The following SORCS1 variants were observed in gnomAD, a reference collection of about 807,000 sequenced individuals.
The protein encoded by SORCS1 is sortilin related VPS10 domain containing receptor 1.
Under a neutral mutation model 146.1 loss-of-function variants are expected in SORCS1, and 60 were observed. The observed-to-expected ratio is 0.41, with a 90% CI of 0.33 to 0.51. The LOEUF (loss-of-function observed/expected upper bound fraction) is 0.51, where lower values mean the gene tolerates loss of function less well. Among genes scored for constraint, SORCS1 ranks in the 20% least tolerant of loss-of-function variants. The probability of loss-of-function intolerance (pLI) is 0.21; values close to 1 mark genes in which losing one functional copy is unlikely to be tolerated. For synonymous variants in SORCS1, 637 were observed against 584.0 expected (o/e 1.09, Z -1.31); for missense variants, 1,352 against 1,487.6 (o/e 0.91, Z 1.50).
chr10:106,651,133 G>T (rs185245592), intron 18 of SORCS1, among the ~76,000 whole-genome samples: 8 of 152,044 alleles, frequency 5.3e-5, no homozygotes, highest in Non-Finnish European at 1.5e-5. Flanking sequence ...AGGAGTATGG[G>T]GTTACACAGT....
At chr10:106,595,091 C>A (rs1004321207) in intron 24 of SORCS1, among the ~76,000 whole-genome samples, 5 of 152,320 alleles carry the variant, frequency 3.3e-5, no homozygotes, top group Non-Finnish European at 7.3e-5. Context: ...TCACCAAACA[C>A]CAAAGCTCAA....
In SORCS1 at chr10:106,675,155, A is replaced by G; in HGVS notation, c.1834T>C (p.Leu612=). 1 of 1,607,706 alleles carries G rather than the reference A, an allele frequency of 6.2e-7. No individual in the cohort carries two copies. Among genetic ancestry groups the G allele is most frequent in the South Asian group, 1.1e-5 (1 of 90,342 alleles). ...CAAGATCTCCCTTCATCAAAACTCA[A>G]CCTAATGATATAAAAAATATCAGTC... ...HTSLPIRHLW[L]SFDEGRSWSK... is the part of the protein sequence containing the mutation. The change falls in exon 14 of 26, where the codon TTG becomes CTG. Residue 612 remains leucine, a splice_region_variant and synonymous_variant. Coordinates refer to ENST00000263054, the MANE Select transcript of SORCS1 (RefSeq NM_052918.5).
intron 4 of SORCS1, among the ~76,000 whole-genome samples, chr10:106,769,302 A>G (rs1859812927): frequency 6.6e-6 from 1 of 151,794 alleles, no homozygotes; most frequent in Non-Finnish European, 1.5e-5. Context: ...TGGCCAACAC[A>G]GTGAAGCCCC....
chr10:106,641,855 T>G (rs947951376), intron 18 of SORCS1, among the ~76,000 whole-genome samples: 2 of 152,134 alleles, frequency 1.3e-5, no homozygotes, highest in African/African-American at 2.4e-5. Context: ...TATAAGGTGT[T>G]AGGCACTTTC....
At chr10:107,084,080 T>C (rs1462934636) in intron 1 of SORCS1, among the ~76,000 whole-genome samples, 1 of 147,346 alleles carries the variant, frequency 6.8e-6, no homozygotes, top group African/African-American at 2.5e-5. Context: ...TGGGTTATTT[T>C]TGTTGTTTTT....
intron 24 of SORCS1, among the ~76,000 whole-genome samples, chr10:106,593,691 G>C (rs1162146236): frequency 6.6e-6 from 1 of 152,176 alleles, no homozygotes; most frequent in African/African-American, 2.4e-5. Flanking sequence ...AAACTAACAG[G>C]AAAGATTTCT....
At chr10:106,923,014 G>A (rs570105303) in intron 2 of SORCS1, among the ~76,000 whole-genome samples, 28 of 151,578 alleles carry the variant, frequency 1.8e-4, no homozygotes, top group African/African-American at 6.1e-4. Flanking sequence ...TCAGCCCCCC[G>A]AGTAGCTGGG....
At chr10:107,167,090 ATTTTAAT>A (rs945379536), upstream of SORCS1, among the ~76,000 whole-genome samples, 1 of 152,238 alleles carries the variant, frequency 6.6e-6, no homozygotes, top group African/African-American at 2.4e-5. Context: ...TTAATGCCTG[ATTTTAAT>A]TATTCATTTG....
chr10:106,767,141 T>A (rs1475840973), intron 4 of SORCS1, among the ~76,000 whole-genome samples: 1 of 152,068 alleles, frequency 6.6e-6, no homozygotes, highest in Non-Finnish European at 1.5e-5. Context: ...GTCATTAAGG[T>A]CAAAAGATAA....
chr10:106,864,257 A>G (rs1296685224), intron 2 of SORCS1, among the ~76,000 whole-genome samples: 2 of 152,138 alleles, frequency 1.3e-5, no homozygotes, highest in Non-Finnish European at 2.9e-5. Flanking sequence ...GAACAGAGAA[A>G]AGCAAGGCAG....
intron 3 of SORCS1, among the ~76,000 whole-genome samples, chr10:106,797,222 G>A (rs1048682044): frequency 1.3e-5 from 2 of 152,088 alleles, no homozygotes; most frequent in African/African-American, 2.4e-5. Context: ...TCTTTACTGG[G>A]AAAAACACTG....
At position 106,600,627 on chromosome 10, in the gene SORCS1, A is replaced by G. The variant is rs1041116914; in HGVS notation, c.3166-3177T>C. Reference sequence around the variant, plus strand: ...AAAGGACATTATATATGCTGTGAACACTATTTTGGTAAAGTTGCTTGCTTC... The same window carrying G: ...AAAGGACATTATATATGCTGTGAACGCTATTTTGGTAAAGTTGCTTGCTTC... On this transcript the variant is annotated intron_variant, in intron 23 of 25. Transcript: ENST00000263054. 31 of 985,268 alleles carry G rather than the reference A, an allele frequency of 3.1e-5. No individual in the cohort carries two copies. The African/African-American group carries it at 5.4e-4, about 17-fold the overall frequency. The allele number at this position is 985,268 out of a possible 1,614,324, so 61.0% of individuals were successfully genotyped here.
intron 1 of SORCS1, among the ~76,000 whole-genome samples, chr10:107,095,272 G>T (rs369185875): frequency 2.0e-5 from 3 of 152,136 alleles, no homozygotes; most frequent in Non-Finnish European, 4.4e-5. Context: ...GAAACAGAAG[G>T]CAATCTGTCT....
chr10:106,585,324 C>T (rs1228248320), intron 24 of SORCS1, among the ~76,000 whole-genome samples: 1 of 152,102 alleles, frequency 6.6e-6, no homozygotes, highest in East Asian at 1.9e-4. Context: ...TTTGAGAATA[C>T]CGCATAGCAG....
At chr10:107,129,339 G>C (rs1966846230) in intron 1 of SORCS1, among the ~76,000 whole-genome samples, 4 of 152,152 alleles carry the variant, frequency 2.6e-5, no homozygotes. Context: ...AAAGAACATA[G>C]AATAAATCCA....
At chr10:106,630,711 T>C (rs746733423) in intron 18 of SORCS1, among the ~76,000 whole-genome samples, 4 of 152,146 alleles carry the variant, frequency 2.6e-5, no homozygotes, top group Admixed American at 6.5e-5. Flanking sequence ...AAACGCTACA[T>C]AAAAATGACT....
At chr10:106,919,701 G>A (rs566577299) in intron 2 of SORCS1, among the ~76,000 whole-genome samples, 2 of 151,682 alleles carry the variant, frequency 1.3e-5, no homozygotes, top group Admixed American at 6.6e-5. Context: ...TTTAGTTCTT[G>A]CTTCTAGCAA....
At chr10:106,679,794 C>T in intron 10 of SORCS1, 60 bp from the exon 11 acceptor site, 1 of 1,313,300 alleles carries the variant, frequency 7.6e-7, no homozygotes, top group Non-Finnish European at 1.1e-6. Context: ...ATTTGAAGCT[C>T]AGAATCAGAT....
At chr10:106,883,295 A>C (rs1950873795) in intron 2 of SORCS1, among the ~76,000 whole-genome samples, 1 of 152,202 alleles carries the variant, frequency 6.6e-6, no homozygotes. Context: ...AATGTTAATA[A>C]AATCTTCATA....
Sources: gnomAD v4.1 joint callset for allele counts (sites outside exome capture counted in the v4.1 genomes callset) on GRCh38, gnomAD v4.1.1 for gene constraint, MANE v1.5 for transcripts, NCBI Gene and HGNC (gene_info 2026-07-23, HGNC 2026-07-21) for gene names.